SYNE1: variants seen among roughly 807,000 people sequenced by gnomAD.
SYNE1 encodes nesprin-1.
SYNE1 carries 616 observed loss-of-function variants against 1,111.0 expected under a neutral mutation model. The observed-to-expected ratio is 0.55, with a 90% CI of 0.52 to 0.59. The LOEUF (loss-of-function observed/expected upper bound fraction) is 0.59. Ranked by LOEUF, SYNE1 falls within the 20% of genes least tolerant of loss-of-function variation. The pLI, the probability that SYNE1 is intolerant of heterozygous loss-of-function variation, is 0.00. For missense variants in SYNE1, 10,006 were observed against 10,417.0 expected, an observed-to-expected ratio of 0.96 and a Z score of 1.72; for synonymous variants, 3,855 against 3,825.8, an observed-to-expected ratio of 1.01 and a Z score of -0.28.
At position 152,539,998 on chromosome 6, in the gene SYNE1, G is replaced by GT; in HGVS notation, c.90dup (p.Arg31ThrfsTer25). Reference sequence around the variant, plus strand: ...GAGTTGATCCATTTTGTGAAAGTTCGTTTTTGTACTATCTCTTGCTCATCT... The same window carrying GT: ...GAGTTGATCCATTTTGTGAAAGTTCGTTTTTTGTACTATCTCTTGCTCATCT... On this transcript the variant is annotated frameshift_variant, in exon 4 of 146. Transcript: ENST00000367255. LOFTEE classifies it high-confidence loss of function. 1 of 1,613,764 alleles carries GT rather than the reference G, an allele frequency of 6.2e-7. No individual in the cohort carries two copies. Among genetic ancestry groups the GT allele is most frequent in the Non-Finnish European group, 8.5e-7 (1 of 1,179,840 alleles).
At chr6:152,397,213 AC>A (rs1265991104) in intron 49 of SYNE1, among the ~76,000 whole-genome samples, 1 of 152,152 alleles carries the variant, frequency 6.6e-6, no homozygotes, top group Non-Finnish European at 1.5e-5. Context: ...GGAACCGAGG[AC>A]GTTCTCACCA....
chr6:152,143,710 A>G lies in SYNE1; in HGVS notation c.25032T>C (p.Asp8344=), dbSNP rs779618522. 98 of 1,614,082 alleles carry G rather than the reference A, an allele frequency of 6.1e-5. No homozygotes were observed. Among genetic ancestry groups the G allele is most frequent in the Non-Finnish European group, 7.5e-5 (89 of 1,180,046 alleles). The change falls in exon 138 of 146, where the codon GAT becomes GAC. Residue 8344 remains aspartate, a synonymous_variant. Transcript: ENST00000367255. The stretch of plus-strand genomic sequence containing the variant: ...CGGTTTGCTGTATCTGAAAACGGCT[A>G]TCATCCAGGGCTTTGCCCAGTTGTC... The part of the protein sequence containing the change: ...QIRQLGKALD[D]SRFQIQQTEN...
chr6:152,220,196 T>A (rs2153461122), intron 119 of SYNE1, among the ~76,000 whole-genome samples: 1 of 152,378 alleles, frequency 6.6e-6, no homozygotes, highest in East Asian at 1.9e-4. Context: ...TGCCTAATTC[T>A]AATAAACTGA....
At chr6:152,571,514 G>A (rs1291885714) in intron 3 of SYNE1, among the ~76,000 whole-genome samples, 1 of 152,122 alleles carries the variant, frequency 6.6e-6, no homozygotes, top group East Asian at 1.9e-4. Flanking sequence ...CATGACAGCT[G>A]CATGATGAAG....
chr6:152,324,255 C>T (rs551346939), intron 81 of SYNE1, among the ~76,000 whole-genome samples: 1 of 151,946 alleles, frequency 6.6e-6, no homozygotes, highest in Admixed American at 6.6e-5. Flanking sequence ...AAAAATTAAC[C>T]AGGTGTGGTG....
chr6:152,270,522 C>G, intron 98 of SYNE1, among the ~76,000 whole-genome samples: 1 of 152,190 alleles, frequency 6.6e-6, no homozygotes, highest in East Asian at 1.9e-4. Flanking sequence ...CCTGATTATT[C>G]TAATGGAATT....
At chr6:152,299,569 CA>C (rs998127460) in intron 93 of SYNE1, among the ~76,000 whole-genome samples, 2 of 152,172 alleles carry the variant, frequency 1.3e-5, no homozygotes, top group Non-Finnish European at 2.9e-5. Context: ...TCACGCTGAG[CA>C]GGTGTCAGAA....
chr6:152,319,938 C>T (rs1295243675), intron 84 of SYNE1: 1 of 152,236 alleles, frequency 6.6e-6, no homozygotes, highest in Admixed American at 6.5e-5. Flanking sequence ...GCAGGCAGCT[C>T]ACTTGAGGCC....
At chr6:152,272,788 A>G (rs1459189452) in intron 98 of SYNE1, among the ~76,000 whole-genome samples, 1 of 152,232 alleles carries the variant, frequency 6.6e-6, no homozygotes, top group African/African-American at 2.4e-5. Flanking sequence ...ACCCTCCTGA[A>G]TCATCCAAGC....
chr6:152,401,032 A>C lies in SYNE1; in HGVS notation c.7029+106T>G, dbSNP rs376310795. 2.0e-3 allele frequency: 2,276 copies of C among 1,127,588 alleles called. 43 individuals carry two copies. The South Asian group carries it at 0.024, about 12-fold the overall frequency. The allele number at this position is 1,127,588 out of a possible 1,614,324, so 69.8% of individuals were successfully genotyped here. A position where few individuals can be genotyped will look rare whatever the true frequency, so the allele number is the denominator to read the frequency against. On this transcript the variant is annotated intron_variant, in intron 47 of 145. Transcript: ENST00000367255. Reference sequence around the variant, plus strand: ...TCATAAATAAGTTGGTCTGGTGTTCATATGGGTAACTGAGAGCAGAGGTTA... The same window carrying C: ...TCATAAATAAGTTGGTCTGGTGTTCCTATGGGTAACTGAGAGCAGAGGTTA...
At chr6:152,415,408 A>T (rs1414772620) in intron 41 of SYNE1, among the ~76,000 whole-genome samples, 1 of 151,752 alleles carries the variant, frequency 6.6e-6, no homozygotes, top group Non-Finnish European at 1.5e-5. Context: ...TTAAATGAAC[A>T]CAGAGCTCAA....
At chr6:152,186,329 G>A (rs2069899647) in intron 128 of SYNE1, among the ~76,000 whole-genome samples, 2 of 151,992 alleles carry the variant, frequency 1.3e-5, no homozygotes, top group Non-Finnish European at 2.9e-5. Flanking sequence ...GGCTGAGGTG[G>A]GCAGATCACC....
At chr6:152,480,958 G>GTC (rs1035537711) in intron 14 of SYNE1, among the ~76,000 whole-genome samples, 1 of 152,014 alleles carries the variant, frequency 6.6e-6, no homozygotes, top group Non-Finnish European at 1.5e-5. Flanking sequence ...GGCACAGGGT[G>GTC]TCTCTCTCTC....
intron 3 of SYNE1, among the ~76,000 whole-genome samples, chr6:152,608,263 G>A (rs977746702): frequency 6.6e-6 from 1 of 152,144 alleles, no homozygotes; most frequent in African/African-American, 2.4e-5. Context: ...TAATGGACAA[G>A]GTGAATTCAC....
At chr6:152,522,785 T>C (rs1162982531) in intron 5 of SYNE1, among the ~76,000 whole-genome samples, 1 of 152,174 alleles carries the variant, frequency 6.6e-6, no homozygotes, top group East Asian at 1.9e-4. Flanking sequence ...GTGGTTTTAA[T>C]TTGCATTTCC....
At position 152,331,763 on chromosome 6, in the gene SYNE1, A is replaced by G. The variant is rs1302802129; in HGVS notation, c.12922T>C (p.Leu4308=). ...TCTTTGACTAACTCCTTGTCATCTA[A>G]ATTCAGATGCTCTATCATTTTCTGC... ...QKQKMIEHLN[L]DDKELVKEQT... Residue 4308 remains leucine (L), a synonymous_variant, in exon 78 of 146, where the codon TTA becomes CTA. Coordinates refer to ENST00000367255, the MANE Select transcript of SYNE1 (RefSeq NM_182961.4). 1 of 1,614,132 alleles carries G rather than the reference A, an allele frequency of 6.2e-7. No individual in the cohort carries two copies. The highest frequency in any genetic ancestry group is 8.5e-7 in the Non-Finnish European group (1 of 1,180,016).
intron 108 of SYNE1, among the ~76,000 whole-genome samples, chr6:152,239,080 G>C (rs896457797): frequency 6.6e-6 from 1 of 151,714 alleles, no homozygotes; most frequent in Non-Finnish European, 1.5e-5. Context: ...TGTATTTTTA[G>C]TAGAGACGGG....
chr6:152,416,195 T>A (rs575476290), intron 41 of SYNE1, among the ~76,000 whole-genome samples, 192 bp downstream of exon 41: 1 of 152,356 alleles, frequency 6.6e-6, no homozygotes, highest in Non-Finnish European at 1.5e-5. Flanking sequence ...TGTATCTATC[T>A]GTTTAGGAAC....
intron 11 of SYNE1, among the ~76,000 whole-genome samples, chr6:152,493,808 A>G (rs2154309331): frequency 6.6e-6 from 1 of 152,228 alleles, no homozygotes; most frequent in Middle Eastern, 3.4e-3. Flanking sequence ...TTTCCTTCCT[A>G]GGCATAGTTA....
Sources: gnomAD v4.1 joint callset for allele counts (sites outside exome capture counted in the v4.1 genomes callset) on GRCh38, gnomAD v4.1.1 for gene constraint, MANE v1.5 for transcripts, NCBI Gene and HGNC (gene_info 2026-07-23, HGNC 2026-07-21) for gene names.